ROPN1B: variants seen among roughly 807,000 people sequenced by gnomAD.
ROPN1B encodes ropporin-1B.
ROPN1B carries 13 observed loss-of-function variants against 23.7 expected under a neutral mutation model. The ratio of observed to expected loss-of-function variants is 0.55; its 90% confidence interval spans 0.36 to 0.87. ROPN1B has a LOEUF of 0.87. Among genes scored for constraint, ROPN1B ranks in the 40% least tolerant of loss-of-function variants. ROPN1B has a pLI of 0.01. For missense variants in ROPN1B, 183 were observed against 249.2 expected (o/e 0.73, Z 1.79); for synonymous variants, 67 against 100.4 (o/e 0.67, Z 1.99).
intron 3 of ROPN1B, among the ~76,000 whole-genome samples, chr3:125,974,592 C>T: frequency 6.6e-6 from 1 of 152,190 alleles, no homozygotes; most frequent in East Asian, 1.9e-4. Context: ...TGGAGACAGA[C>T]CCTGCCATGC....
intron 2 of ROPN1B, 110 bp from the exon 3 acceptor site, chr3:125,971,933 G>C: frequency 1.1e-6 from 1 of 916,350 alleles, no homozygotes; most frequent in Non-Finnish European, 1.6e-6. Flanking sequence ...TTGTCTTGCG[G>C]AGTCCCCAAA....
At chr3:125,981,730 T>C (rs191313269) in intron 5 of ROPN1B, among the ~76,000 whole-genome samples, 1 of 152,258 alleles carries the variant, frequency 6.6e-6, no homozygotes, top group East Asian at 1.9e-4. Flanking sequence ...ACTAGGTGAT[T>C]CTATTTAGAT....
At chr3:125,973,944 C>T (rs1454369233) in intron 3 of ROPN1B, 4 of 153,786 alleles carry the variant, frequency 2.6e-5, no homozygotes, top group Non-Finnish European at 5.9e-5. Context: ...AGGACATATA[C>T]TTATTTGTCC....
chr3:125,975,762 C>A, intron 4 of ROPN1B, 82 bp downstream of exon 4: 1 of 1,310,270 alleles, frequency 7.6e-7, no homozygotes, highest in Non-Finnish European at 1.0e-6. Context: ...CCTCTGTTCT[C>A]CTGCCAGTCA....
intron 3 of ROPN1B, chr3:125,972,789 T>G (rs1383427342): frequency 2.4e-5 from 9 of 371,132 alleles, no homozygotes; most frequent in South Asian, 6.1e-5. Context: ...AATGATGTCC[T>G]CACAGTACAC....
intron 4 of ROPN1B, chr3:125,976,710 A>C: frequency 1.7e-6 from 1 of 581,588 alleles, no homozygotes; most frequent in East Asian, 3.1e-5. Context: ...CAATTTAGGA[A>C]TACAATAGCA....
At position 125,982,321 on chromosome 3, in the gene ROPN1B, A is replaced by T; in HGVS notation, c.448A>T (p.Asn150Tyr). ...GTGTGAGGTCTTATCATGTGACCAC[A>T]ATGGTGGGTTGCCCCGAATCCCATT... ...IVCEVLSCDH[N>Y]GGLPRIPFST... is the part of the protein sequence containing the mutation. The change falls in exon 6 of 7, where the codon AAT (asparagine) becomes TAT (tyrosine). Residue 150 changes from asparagine (N) to tyrosine (Y), a missense_variant. Asn to Tyr is a moderately radical substitution (Grantham distance 143, BLOSUM62 -2). Around this residue, in one of 3 missense-constraint regions of ROPN1B, gnomAD observed 80 missense variants for 98.0 expected, o/e 0.82. Transcript: ENST00000514116. 1 of 1,613,414 alleles carries T rather than the reference A, an allele frequency of 6.2e-7. No homozygotes were observed. Among genetic ancestry groups the T allele is most frequent in the Non-Finnish European group, 8.5e-7 (1 of 1,179,690 alleles).
In ROPN1B at chr3:125,973,232, G is replaced by A. The variant is rs7623279; in HGVS notation, c.116+1062G>A. 973 of 349,768 alleles carry A rather than the reference G, an allele frequency of 2.8e-3. 13 individuals are homozygous for A. Among genetic ancestry groups the A allele is most frequent in the African/African-American group, 0.02 (912 of 46,368 alleles). 21.7% of individuals were successfully genotyped at this position (349,768 alleles called of 1,614,324 possible). Reference sequence around the variant, plus strand: ...GAGTGGGTGTCCTGGGCAGATGGTGGGGAGAGTGTGGACACCTTTGAGAAG... The same window carrying A: ...GAGTGGGTGTCCTGGGCAGATGGTGAGGAGAGTGTGGACACCTTTGAGAAG... On this transcript the variant is annotated intron_variant, in intron 3 of 6. Coordinates refer to ENST00000514116, the MANE Select transcript of ROPN1B (RefSeq NM_001308313.2).
chr3:125,982,049 C>T (rs1294533882), intron 5 of ROPN1B, among the ~76,000 whole-genome samples: 1 of 152,078 alleles, frequency 6.6e-6, no homozygotes, highest in African/African-American at 2.4e-5. Flanking sequence ...CTTGAGTAGT[C>T]TTCTAACAAA....
chr3:125,979,083 T>C (rs1938521177), intron 5 of ROPN1B, among the ~76,000 whole-genome samples: 1 of 152,176 alleles, frequency 6.6e-6, no homozygotes, highest in African/African-American at 2.4e-5. Flanking sequence ...ACTTCTCTGC[T>C]TCCTCTGAGA....
At chr3:125,978,803 C>G (rs561685870) in intron 5 of ROPN1B, among the ~76,000 whole-genome samples, 1 of 152,158 alleles carries the variant, frequency 6.6e-6, no homozygotes, top group South Asian at 2.1e-4. Context: ...TACTTCACAG[C>G]CCCTCACCAG....
intron 3 of ROPN1B, chr3:125,972,717 C>A (rs1938262098): frequency 1.4e-5 from 5 of 356,824 alleles, no homozygotes; most frequent in South Asian, 6.5e-5. Context: ...GGCTTTGTAT[C>A]TTTGAGGAAA....
chr3:125,982,559 C>A (rs1201844003), intron 6 of ROPN1B, 114 bp downstream of exon 6: 1 of 788,324 alleles, frequency 1.3e-6, no homozygotes, highest in South Asian at 2.8e-5. Flanking sequence ...AAAGTGAGGA[C>A]ATGAAATATC....
Position 125,982,341 on chromosome 3 carries a change from C to T in ROPN1B, c.468C>T (p.Ile156=). ...ACCACAATGGTGGGTTGCCCCGAAT[C>T]CCATTCAGCACCTTCCAGTTTCTCT... ...SCDHNGGLPR[I]PFSTFQFLYT... The change falls in exon 6 of 7, where the codon ATC becomes ATT. Residue 156 remains isoleucine, a synonymous_variant. Coordinates refer to ENST00000514116, the MANE Select transcript of ROPN1B (RefSeq NM_001308313.2). The T allele has an allele frequency of 6.2e-7, 1 of 1,613,384 alleles. No homozygotes were observed. Among genetic ancestry groups the T allele is most frequent in the African/African-American group, 1.3e-5 (1 of 75,018 alleles).
intron 3 of ROPN1B, 40 bp from the exon 4 acceptor site, chr3:125,975,523 T>C: frequency 1.3e-6 from 2 of 1,525,316 alleles, no homozygotes; most frequent in East Asian, 2.6e-5. Flanking sequence ...AGGCCACTGG[T>C]GTATAGGATC....
chr3:125,980,211 TAC>T (rs1341132373), intron 5 of ROPN1B, among the ~76,000 whole-genome samples: 2 of 152,228 alleles, frequency 1.3e-5, no homozygotes, highest in African/African-American at 4.8e-5. Context: ...ATAGCTCTAG[TAC>T]AGTTATTTAT....
chr3:125,974,017 C>G (rs1938309695), intron 3 of ROPN1B, among the ~76,000 whole-genome samples: 1 of 152,208 alleles, frequency 6.6e-6, no homozygotes, highest in Admixed American at 6.5e-5. Context: ...GACCTGATCA[C>G]TTGCAAATGA....
chr3:125,971,927 C>T (rs1339360501), intron 2 of ROPN1B, 116 bp from the exon 3 acceptor site: 7 of 859,108 alleles, frequency 8.1e-6, no homozygotes, highest in Non-Finnish European at 1.2e-5. Flanking sequence ...ATGCATTTGT[C>T]TTGCGGAGTC....
At chr3:125,977,251 C>G in intron 5 of ROPN1B, 86 bp downstream of exon 5, 1 of 1,162,820 alleles carries the variant, frequency 8.6e-7, no homozygotes, top group South Asian at 1.3e-5. Context: ...ACGCGGTCAA[C>G]TCTGCAGGGC....
Sources: allele counts gnomAD v4.1 joint callset (sites outside exome capture counted in the v4.1 genomes callset), GRCh38; gene constraint gnomAD v4.1.1; regional missense constraint gnomAD v4.1.1; transcripts MANE v1.5; gene names NCBI Gene and HGNC (gene_info 2026-07-23, HGNC 2026-07-21).